ATP13A4: variants seen among roughly 807,000 people sequenced by gnomAD.
ATP13A4 encodes ATPase 13A4, also known as probable cation-transporting ATPase 13A4.
Under a neutral mutation model 142.5 loss-of-function variants are expected in ATP13A4, and 114 were observed. The ratio of observed to expected loss-of-function variants is 0.80; its 90% CI spans 0.69 to 0.93. The LOEUF is 0.93. ATP13A4 is among the 40% of genes least tolerant of loss of function. ATP13A4 has a pLI of 0.00. For synonymous variants in ATP13A4, 488 were observed against 514.8 expected, an observed-to-expected ratio of 0.95 and a Z score of 0.70; for missense variants, 1,392 against 1,454.0, an observed-to-expected ratio of 0.96 and a Z score of 0.69.
At chr3:193,554,307 A>G (rs751072014) in intron 1 of ATP13A4, 11 of 243,714 alleles carry the variant, frequency 4.5e-5, no homozygotes, top group Admixed American at 1.0e-4. Context: ...GAGAAGGTCA[A>G]AGACCCAGCT....
intron 27 of ATP13A4, among the ~76,000 whole-genome samples, chr3:193,411,609 A>T (rs1714769422): frequency 6.6e-6 from 1 of 152,224 alleles, no homozygotes. Context: ...AGTAGTGATG[A>T]TATACAAATA....
chr3:193,425,038 AT>A (rs2108611949), intron 25 of ATP13A4, among the ~76,000 whole-genome samples: 1 of 149,416 alleles, frequency 6.7e-6, no homozygotes, highest in South Asian at 2.1e-4. Flanking sequence ...AATGGAAAAA[AT>A]ACCTGACAAG....
At chr3:193,560,622 CA>C (rs1303409540) in intron 2 of ATP13A4, among the ~76,000 whole-genome samples, 6 of 152,164 alleles carry the variant, frequency 3.9e-5, no homozygotes, top group Non-Finnish European at 8.8e-5. Context: ...TTCCAGAACC[CA>C]CCAATTGTGT....
In ATP13A4 at chr3:193,400,746, T is replaced by G. The variant is rs968377892; in HGVS notation, c.*1906A>C. Among the ~76,000 whole-genome samples, 4 of 152,118 alleles carry G rather than the reference T, an allele frequency of 2.6e-5. No individual in the cohort carries two copies. The highest frequency in any genetic ancestry group is 4.8e-5 in the African/African-American group (2 of 41,410). ...TACCATTCAGGTGAGTTAGTGGAGG[T>G]GAATGCACTTAGCAAAGGGCACATT... is the stretch of plus-strand genomic sequence containing the variant. On this transcript the variant is annotated 3_prime_UTR_variant, in exon 30 of 30. Transcript: ENST00000342695.
At chr3:193,420,300 G>C (rs1023613251) in intron 25 of ATP13A4, among the ~76,000 whole-genome samples, 3 of 149,790 alleles carry the variant, frequency 2.0e-5, no homozygotes, top group Middle Eastern at 3.4e-3. Flanking sequence ...CTTGTACAAA[G>C]TCTATACTAC....
At chr3:193,554,633 CTGTGTGTGTGTGATGCGTGCGTGTGTGTG>C in intron 1 of ATP13A4, 78 bp downstream of exon 1, 2 of 1,386,714 alleles carry the variant, frequency 1.4e-6, no homozygotes, top group Non-Finnish European at 2.0e-6. Flanking sequence ...TTAGAAAAGT[CTGTGTGTGTGTGATGCGTGCGTGTGTGTG>C]TGTGTGTGTG....
rs1714314574 is a variant in ATP13A4, at chr3:193,402,799, T to G, written c.3444A>C (p.Lys1148Asn). 6.2e-7 allele frequency: 1 copy of G among 1,614,050 alleles called. No homozygotes were observed. Among genetic ancestry groups the G allele is most frequent in the African/African-American group, 1.3e-5 (1 of 74,924 alleles). Residue 1148 changes from lysine to asparagine, a missense_variant, in exon 30 of 30, where the codon AAA becomes AAC. Physicochemically the swap from Lys to Asn is moderately conservative, Grantham distance 94. Coordinates refer to ENST00000342695, the MANE Select transcript of ATP13A4 (RefSeq NM_032279.4). Reference protein sequence around the residue: ...MIKRCFGYQSKSQYRIWQRDL... With the variant: ...MIKRCFGYQSNSQYRIWQRDL... ...CCCTCTGCCATATCCGATACTGGCT[T>G]TTTGACTGATAGCCGAAACATCTTT...
intron 16 of ATP13A4, 149 bp downstream of exon 16, chr3:193,456,851 G>T (rs1034754081): frequency 5.1e-6 from 5 of 985,368 alleles, no homozygotes; most frequent in South Asian, 1.4e-5. Flanking sequence ...AGAAAGACAC[G>T]CTTGGTTTTC....
chr3:193,404,568 G>C (rs1385407197), intron 29 of ATP13A4, among the ~76,000 whole-genome samples: 2 of 152,182 alleles, frequency 1.3e-5, no homozygotes, highest in Non-Finnish European at 2.9e-5. Flanking sequence ...GTGATAGTGA[G>C]TGAGTTCTCA....
chr3:193,498,140 A>G (rs1295760142), intron 3 of ATP13A4, among the ~76,000 whole-genome samples: 1 of 152,156 alleles, frequency 6.6e-6, no homozygotes, highest in Non-Finnish European at 1.5e-5. Flanking sequence ...AATTTGATTT[A>G]TACATAATGT....
intron 2 of ATP13A4, among the ~76,000 whole-genome samples, chr3:193,571,278 C>CAAAAAAAAAAAAAAAAAAAAAA (rs57432082): frequency 5.2e-5 from 5 of 95,688 alleles, no homozygotes; most frequent in Admixed American, 1.1e-4. Context: ...GACCTTGTCT[C>CAAAAAAAAAAAAAAAAAAAAAA]AAAAAAAAAA....
At chr3:193,521,195 G>T (rs1372284804) in intron 1 of ATP13A4, among the ~76,000 whole-genome samples, 1 of 152,184 alleles carries the variant, frequency 6.6e-6, no homozygotes, top group Non-Finnish European at 1.5e-5. Context: ...TCAAGGAGCT[G>T]ACAGAAGAGA....
In ATP13A4 at chr3:193,432,738, T is replaced by TAAAAA. The variant is rs1553837414; in HGVS notation, c.2842+1106_2842+1107insTTTTT. Among the ~76,000 whole-genome samples, 14 of 150,044 alleles carry TAAAAA rather than the reference T, an allele frequency of 9.3e-5. No homozygotes were observed. In the South Asian group the frequency reaches 1.1e-3, roughly 11 times the overall value. Reference sequence around the variant, plus strand: ...TACCCTAGAACTTAAAGTATAATAATAAAAGAAAAGAAAAGAAAAGAAAGG... The same window carrying TAAAAA: ...TACCCTAGAACTTAAAGTATAATAATAAAAAAAAAGAAAAGAAAAGAAAAGAAAGG... On this transcript the variant is annotated intron_variant, in intron 25 of 29. Coordinates refer to ENST00000342695, the MANE Select transcript of ATP13A4 (RefSeq NM_032279.4).
chr3:193,454,379 C>G (rs1463215397), intron 16 of ATP13A4, among the ~76,000 whole-genome samples, 167 bp from the exon 17 acceptor site: 2 of 152,146 alleles, frequency 1.3e-5, no homozygotes, highest in African/African-American at 4.8e-5. Flanking sequence ...TCAGGGTTGA[C>G]CTCTTCAGAT....
chr3:193,404,118 G>A (rs764825634), intron 29 of ATP13A4: 3 of 985,266 alleles, frequency 3.0e-6, no homozygotes, highest in East Asian at 1.1e-4. Flanking sequence ...CTGCAGCAAG[G>A]TTTTTTTGTC....
chr3:193,479,659 G>T (rs1719179486), intron 8 of ATP13A4, among the ~76,000 whole-genome samples: 1 of 152,144 alleles, frequency 6.6e-6, no homozygotes, highest in South Asian at 2.1e-4. Context: ...TCATGGATGG[G>T]TAGAATCAAT....
At chr3:193,437,036 G>A (rs1485454506) in intron 23 of ATP13A4, among the ~76,000 whole-genome samples, 5 of 139,090 alleles carry the variant, frequency 3.6e-5, no homozygotes, top group South Asian at 4.2e-4. Flanking sequence ...CCCGGGAGGC[G>A]GAGCTTGCAG....
At position 193,566,564 on chromosome 3, in the gene ATP13A4, T is replaced by C. The variant is rs905046173; in HGVS notation, n.291+15143A>G. Among the ~76,000 whole-genome samples the C allele has an allele frequency of 3.9e-5, 6 of 152,246 alleles. No homozygotes were observed. The East Asian group carries it at 5.8e-4, about 15-fold the overall frequency. On this transcript the variant is annotated intron_variant and non_coding_transcript_variant, in intron 2 of 3. Transcript: ENST00000489140. Reference sequence around the variant, plus strand: ...CCCCTTTCCCTCTATCCCTAAAACATCACACATATACGCAAACACAAACTC... The same window carrying C: ...CCCCTTTCCCTCTATCCCTAAAACACCACACATATACGCAAACACAAACTC...
At position 193,454,126 on chromosome 3, in the gene ATP13A4, C is replaced by A. The variant is rs1485530960; in HGVS notation, c.2002G>T (p.Asp668Tyr). Residue 668 changes from aspartate (D) to tyrosine (Y), a missense_variant, in exon 17 of 30, where the codon GAC (aspartate) becomes TAC (tyrosine). Physicochemically the swap from Asp to Tyr is radical, Grantham distance 160. Transcript: ENST00000342695. ...IALAYKKLEN[D>Y]HHATTLTRET... ...CTCGTCAAGGTAGTAGCGTGATGGTCATTTTCCAGCTTCTTGTAGGCCAGT... is the reference window on the plus strand; with the variant it reads ...CTCGTCAAGGTAGTAGCGTGATGGTAATTTTCCAGCTTCTTGTAGGCCAGT... The A allele has an allele frequency of 1.9e-6, 3 of 1,613,634 alleles. No individual in the cohort carries two copies. Among genetic ancestry groups the A allele is most frequent in the African/African-American group, 1.3e-5 (1 of 74,912 alleles).
Sources: gnomAD v4.1 joint callset for allele counts (sites outside exome capture counted in the v4.1 genomes callset) on GRCh38, gnomAD v4.1.1 for gene constraint, MANE v1.5 for transcripts, NCBI Gene and HGNC (gene_info 2026-07-23, HGNC 2026-07-21) for gene names.